GUCY1B1: variants seen among roughly 807,000 people sequenced by gnomAD.
GUCY1B1 encodes the protein guanylate cyclase soluble subunit beta-1.
In GUCY1B1, 43 loss-of-function variants were observed where a neutral mutation model predicts 71.0. That is an observed-to-expected ratio of 0.61 (90% CI 0.47 to 0.78). The LOEUF (loss-of-function observed/expected upper bound fraction) is 0.78. Ranked by LOEUF, GUCY1B1 falls within the 30% of genes least tolerant of loss-of-function variation. The probability of loss-of-function intolerance (pLI) is 0.00; values close to 1 mark genes in which losing one functional copy is unlikely to be tolerated. For synonymous variants in GUCY1B1, 266 were observed against 259.7 expected (o/e 1.02, Z -0.23); for missense variants, 535 against 754.1 (o/e 0.71, Z 3.40).
chr4:155,778,027 T>C (rs1738176792), intron 4 of GUCY1B1, among the ~76,000 whole-genome samples: 1 of 152,176 alleles, frequency 6.6e-6, no homozygotes, highest in Non-Finnish European at 1.5e-5. Flanking sequence ...CATTCCTAGT[T>C]TGTAGATATA....
chr4:155,794,138 A>G, intron 6 of GUCY1B1, 52 bp downstream of exon 6: 3 of 947,516 alleles, frequency 3.2e-6, no homozygotes, highest in East Asian at 2.4e-5. Context: ...CCATAGAAAT[A>G]CTATTGTTAC....
At chr4:155,776,531 G>A (rs1738059827) in intron 3 of GUCY1B1, among the ~76,000 whole-genome samples, 1 of 152,052 alleles carries the variant, frequency 6.6e-6, no homozygotes, top group Non-Finnish European at 1.5e-5. Flanking sequence ...TTATCCAGGT[G>A]TGGTGGTGGG....
intron 1 of GUCY1B1, 198 bp downstream of exon 1, chr4:155,759,341 G>T (rs1322286216): frequency 1.2e-5 from 7 of 580,274 alleles, no homozygotes; most frequent in Non-Finnish European, 1.8e-5. Flanking sequence ...GGCGATCGGT[G>T]CCTTTGCTTC....
intron 4 of GUCY1B1, among the ~76,000 whole-genome samples, chr4:155,782,482 A>G (rs542332260): frequency 6.6e-6 from 1 of 152,322 alleles, no homozygotes; most frequent in East Asian, 1.9e-4. Context: ...AAAATAGCTG[A>G]TAAGGAATGT....
intron 1 of GUCY1B1, 110 bp from the exon 2 acceptor site, chr4:155,759,677 G>T: frequency 1.4e-6 from 1 of 712,160 alleles, no homozygotes. Flanking sequence ...GTCAGGGGCG[G>T]GGTGAAAGGT....
chr4:155,798,119 T>C (rs1739690704), intron 8 of GUCY1B1, among the ~76,000 whole-genome samples: 1 of 152,224 alleles, frequency 6.6e-6, no homozygotes, highest in South Asian at 2.1e-4. Flanking sequence ...AATTCCCATA[T>C]GCAGACATTG....
At chr4:155,786,793 ATG>A (rs1458797942) in intron 4 of GUCY1B1, among the ~76,000 whole-genome samples, 1 of 150,660 alleles carries the variant, frequency 6.6e-6, no homozygotes, top group Non-Finnish European at 1.5e-5. Flanking sequence ...TTTTCAGTAG[ATG>A]TGGGGTTTCA....
intron 8 of GUCY1B1, among the ~76,000 whole-genome samples, chr4:155,798,996 C>G (rs1479281965): frequency 6.6e-6 from 1 of 152,084 alleles, no homozygotes; most frequent in Admixed American, 6.5e-5. Flanking sequence ...AGCCACCACA[C>G]CCAGCTCATT....
chr4:155,789,091 T>G (rs528417440), intron 4 of GUCY1B1, among the ~76,000 whole-genome samples: 1 of 152,348 alleles, frequency 6.6e-6, no homozygotes, highest in African/African-American at 2.4e-5. Context: ...ACTTTCAAAA[T>G]GTAGTTATTT....
intron 5 of GUCY1B1, among the ~76,000 whole-genome samples, chr4:155,793,396 A>G (rs569830544): frequency 4.5e-4 from 68 of 152,294 alleles, no homozygotes; most frequent in South Asian, 8.3e-4. Flanking sequence ...AACTTTATGT[A>G]TTTGATAGTT....
intron 2 of GUCY1B1, among the ~76,000 whole-genome samples, chr4:155,761,975 C>T (rs3796558): frequency 0.43 from 65,007 of 152,060 alleles, 14,356 homozygotes; most frequent in East Asian, 0.68. Context: ...CTTTATTTGT[C>T]TAAGCATCTT....
chr4:155,796,271 A>AT (rs1739549303), intron 7 of GUCY1B1, 106 bp from the exon 8 acceptor site: 1 of 1,029,022 alleles, frequency 9.7e-7, no homozygotes, highest in African/African-American at 1.6e-5. Flanking sequence ...TGATGCACTT[A>AT]TTCTGCTTTG....
intron 3 of GUCY1B1, among the ~76,000 whole-genome samples, chr4:155,775,290 CTCT>C (rs1207736933): frequency 6.6e-6 from 1 of 152,080 alleles, no homozygotes; most frequent in Non-Finnish European, 1.5e-5. Context: ...AGTAAATGTG[CTCT>C]TCTTGTTGTT....
intron 4 of GUCY1B1, among the ~76,000 whole-genome samples, chr4:155,785,735 G>A (rs1165468457): frequency 6.6e-6 from 1 of 152,104 alleles, no homozygotes; most frequent in Non-Finnish European, 1.5e-5. Flanking sequence ...AATTTTGAAA[G>A]AGTAAAGCCA....
chr4:155,797,735 A>AATAATAATAATAAT (rs1739653766), intron 8 of GUCY1B1, among the ~76,000 whole-genome samples: 2 of 144,978 alleles, frequency 1.4e-5, no homozygotes, highest in Non-Finnish European at 3.0e-5. Flanking sequence ...CACTGTCTCA[A>AATAATAATAATAAT]AATAATAATA....
rs115832141 is a variant in GUCY1B1, at chr4:155,803,851, G to A, written c.1554+87G>A. On this transcript the variant is annotated intron_variant, in intron 11 of 13. Coordinates refer to ENST00000264424, the MANE Select transcript of GUCY1B1 (RefSeq NM_000857.5). The stretch of plus-strand genomic sequence containing the variant: ...TATCGTTGTCCGGAAAATCATTAAC[G>A]TGTATAAAGAAGGGCATCTTGACAA... 1.8e-3 allele frequency: 1,555 copies of A among 867,744 alleles called. 2 individuals are homozygous for A. Among genetic ancestry groups the A allele is most frequent in the African/African-American group, 9.6e-3 (554 of 57,624 alleles). 53.8% of individuals were successfully genotyped at this position (867,744 alleles called of 1,614,324 possible). A position where few individuals can be genotyped will look rare whatever the true frequency, so the allele number is the denominator to read the frequency against.
intron 7 of GUCY1B1, among the ~76,000 whole-genome samples, chr4:155,796,174 G>A (rs112183392): frequency 0.013 from 1,960 of 152,210 alleles, 33 homozygotes; most frequent in African/African-American, 0.045. Flanking sequence ...GAATTCAGAC[G>A]GGACAGTCAC....
At chr4:155,759,194 C>T in intron 1 of GUCY1B1, 51 bp downstream of exon 1, 1 of 1,531,074 alleles carries the variant, frequency 6.5e-7, no homozygotes. Context: ...CCTCGGCCGG[C>T]CTGGCAGCGA....
Position 155,802,183 on chromosome 4 carries a change from A to T in GUCY1B1, c.1176-159A>T. On this transcript the variant is annotated intron_variant, in intron 9 of 13. Transcript: ENST00000264424. This position sits in a 1 kb window ranked among gnomAD's most constrained non-coding sequence, Gnocchi z 4.3. ...TGTTTTCTGTAAATCCTTGCTTATA[A>T]ATACAGCTAATATTTGATGCTAATT... 6.9e-7 allele frequency: 1 copy of T among 1,458,264 alleles called. No individual in the cohort carries two copies. Among genetic ancestry groups the T allele is most frequent in the Admixed American group, 2.5e-5 (1 of 40,654 alleles). 90.3% of individuals were successfully genotyped at this position (1,458,264 alleles called of 1,614,324 possible). A position where few individuals can be genotyped will look rare whatever the true frequency, so the allele number is the denominator to read the frequency against.
Sources: allele counts gnomAD v4.1 joint callset (sites outside exome capture counted in the v4.1 genomes callset), GRCh38; gene constraint gnomAD v4.1.1; non-coding constraint Gnocchi (gnomAD v3.1); transcripts MANE v1.5; gene names NCBI Gene and HGNC (gene_info 2026-07-23, HGNC 2026-07-21).